WDFY3: variants seen among roughly 807,000 people sequenced by gnomAD.
The protein encoded by WDFY3 is WD repeat and FYVE domain-containing protein 3.
WDFY3 carries 66 observed loss-of-function variants against 409.6 expected under a neutral mutation model. The observed-to-expected ratio is 0.16, with a 90% CI of 0.13 to 0.20. The LOEUF is 0.20. Ranked by LOEUF, WDFY3 falls within the 10% of genes least tolerant of loss-of-function variation. WDFY3 has a pLI of 1.00. For synonymous variants in WDFY3, 1,521 were observed against 1,537.1 expected (o/e 0.99, Z 0.25); for missense variants, 3,031 against 4,298.1 (o/e 0.71, Z 8.24).
chr4:84,916,012 G>A (rs186275924), intron 2 of WDFY3, among the ~76,000 whole-genome samples: 62 of 152,162 alleles, frequency 4.1e-4, no homozygotes, highest in Admixed American at 1.4e-3. Flanking sequence ...CTAATCCACC[G>A]AAGTAGAACC....
intron 4 of WDFY3, among the ~76,000 whole-genome samples, chr4:84,859,057 GAGA>G (rs1278010899): frequency 3.9e-5 from 6 of 152,042 alleles, no homozygotes; most frequent in African/African-American, 1.4e-4. Context: ...GGGCAAGGCA[GAGA>G]AGATGTGGGA....
At chr4:84,820,888 A>G (rs1388310078) in intron 11 of WDFY3, among the ~76,000 whole-genome samples, 196 bp downstream of exon 11, 1 of 152,030 alleles carries the variant, frequency 6.6e-6, no homozygotes, top group East Asian at 1.9e-4. Flanking sequence ...ACATAATTCT[A>G]GCTTCCTCCT....
chr4:84,815,736 G>A (rs1753201365), intron 13 of WDFY3, among the ~76,000 whole-genome samples: 1 of 152,100 alleles, frequency 6.6e-6, no homozygotes, highest in Admixed American at 6.6e-5. Flanking sequence ...CCTATCAGGA[G>A]GTGTATGCTA....
Position 84,937,334 on chromosome 4 carries a change from T to C in WDFY3, c.-225-4971A>G, listed in dbSNP as rs746445902. 5.8e-4 allele frequency among the ~76,000 whole-genome samples: 88 copies of C among 152,268 alleles called. 1 individual carries two copies. The highest frequency in any genetic ancestry group is 1.7e-3 in the Admixed American group (26 of 15,278). ...ACTCTATTGGTTTCATCCTATCTCATCGACCTCTCCTTGTCAGCGTTCTTT... is the reference window on the plus strand; with the variant it reads ...ACTCTATTGGTTTCATCCTATCTCACCGACCTCTCCTTGTCAGCGTTCTTT... On this transcript the variant is annotated intron_variant, in intron 1 of 67. Transcript: ENST00000295888.
intron 5 of WDFY3, among the ~76,000 whole-genome samples, chr4:84,849,256 C>T (rs182171339): frequency 3.7e-4 from 56 of 152,160 alleles, no homozygotes; most frequent in Non-Finnish European, 7.4e-4. Context: ...ACAGAGACCC[C>T]TAAGTAGCTT....
At chr4:84,674,845 G>T (rs887156347) in intron 67 of WDFY3, among the ~76,000 whole-genome samples, 6 of 151,728 alleles carry the variant, frequency 4.0e-5, no homozygotes, top group Non-Finnish European at 7.4e-5. Flanking sequence ...TCCAGCCTGG[G>T]TGACAGAGTG....
intron 4 of WDFY3, among the ~76,000 whole-genome samples, chr4:84,850,928 G>GTTTTGTTTTTTTTTTTTT (rs1758866123): frequency 2.2e-5 from 1 of 46,220 alleles, no homozygotes; most frequent in African/African-American, 9.3e-5. Flanking sequence ...TTATTTATCT[G>GTTTTGTTTTTTTTTTTTT]TTTTTTTTTT....
Position 84,896,951 on chromosome 4 carries a change from G to A in WDFY3, c.-72C>T, listed in dbSNP as rs757887244. 1.3e-5 allele frequency: 2 copies of A among 152,170 alleles called. No individual in the cohort carries two copies. The highest frequency in any genetic ancestry group is 2.9e-5 in the Non-Finnish European group (2 of 68,030). 9.4% of individuals were successfully genotyped at this position (152,170 alleles called of 1,614,324 possible). On this transcript the variant is annotated 5_prime_UTR_variant, in exon 3 of 68. Coordinates refer to ENST00000295888, the MANE Select transcript of WDFY3 (RefSeq NM_014991.6). The stretch of plus-strand genomic sequence containing the variant: ...TGGGTAACAGGTTCTGAATGTGTGA[G>A]CACAATAGGGCCCATTCGCTTGAAG...
intron 35 of WDFY3, among the ~76,000 whole-genome samples, 172 bp from the exon 36 acceptor site, chr4:84,751,888 C>A (rs1399710240): frequency 6.6e-6 from 1 of 152,190 alleles, no homozygotes; most frequent in East Asian, 1.9e-4. Context: ...TAATCTGGCA[C>A]CATATGTCAT....
chr4:84,779,860 T>C (rs890855562), intron 26 of WDFY3, among the ~76,000 whole-genome samples: 1 of 152,150 alleles, frequency 6.6e-6, no homozygotes, highest in African/African-American at 2.4e-5. Context: ...TAAAGCTATA[T>C]TGAAATAATG....
chr4:84,702,824 C>T (rs986734621), intron 55 of WDFY3, among the ~76,000 whole-genome samples: 2 of 152,168 alleles, frequency 1.3e-5, no homozygotes, highest in Non-Finnish European at 2.9e-5. Flanking sequence ...TGGCCGGGCG[C>T]GGCGGCTCAC....
At chr4:84,854,464 T>C (rs1010614738) in intron 4 of WDFY3, among the ~76,000 whole-genome samples, 3 of 152,250 alleles carry the variant, frequency 2.0e-5, no homozygotes, top group Admixed American at 2.0e-4. Flanking sequence ...ATGTGTTCAC[T>C]ACTTTCAACA....
chr4:84,907,867 G>A (rs368420947), intron 2 of WDFY3, among the ~76,000 whole-genome samples: 1 of 151,990 alleles, frequency 6.6e-6, no homozygotes, highest in Non-Finnish European at 1.5e-5. Flanking sequence ...TGCTCTAAAC[G>A]GATAAATAGA....
chr4:84,917,354 T>C (rs1768644976), intron 2 of WDFY3, among the ~76,000 whole-genome samples: 1 of 152,176 alleles, frequency 6.6e-6, no homozygotes, highest in African/African-American at 2.4e-5. Context: ...TTTACAAGGA[T>C]AATTCACAAT....
intron 19 of WDFY3, among the ~76,000 whole-genome samples, chr4:84,796,256 T>G (rs1487815260): frequency 6.6e-6 from 1 of 151,524 alleles, no homozygotes; most frequent in African/African-American, 2.4e-5. Flanking sequence ...AAAAAAAATT[T>G]GCAAAAGTGT....
chr4:84,827,776 G>T (rs1386214403), intron 9 of WDFY3, among the ~76,000 whole-genome samples: 1 of 152,036 alleles, frequency 6.6e-6, no homozygotes, highest in Non-Finnish European at 1.5e-5. Flanking sequence ...ATTCTTAGGG[G>T]TTATCTAATA....
At chr4:84,893,141 G>A (rs1024445640) in intron 3 of WDFY3, among the ~76,000 whole-genome samples, 5 of 152,176 alleles carry the variant, frequency 3.3e-5, no homozygotes, top group Admixed American at 2.6e-4. Flanking sequence ...CTTCTCTTCA[G>A]CTGCTTTCCA....
intron 61 of WDFY3, among the ~76,000 whole-genome samples, chr4:84,689,968 A>T (rs889763405): frequency 3.3e-5 from 5 of 152,224 alleles, no homozygotes; most frequent in Admixed American, 6.5e-5. Flanking sequence ...GCTTAATTAT[A>T]AAAGGACTCT....
intron 67 of WDFY3, among the ~76,000 whole-genome samples, chr4:84,674,649 C>T (rs975733147): frequency 6.6e-6 from 1 of 151,408 alleles, no homozygotes; most frequent in Non-Finnish European, 1.5e-5. Context: ...GTGGGCAGAC[C>T]ACAAGGTCAG....
Sources: gnomAD v4.1 joint callset for allele counts (sites outside exome capture counted in the v4.1 genomes callset) on GRCh38, gnomAD v4.1.1 for gene constraint, MANE v1.5 for transcripts, NCBI Gene and HGNC (gene_info 2026-07-23, HGNC 2026-07-21) for gene names.